PPP2R5E: variants seen among roughly 807,000 people sequenced by gnomAD.
PPP2R5E encodes protein phosphatase 2 regulatory subunit B'epsilon, also known as serine/threonine-protein phosphatase 2A 56 kDa regulatory subunit epsilon isoform.
In PPP2R5E, 4 loss-of-function variants were observed where a neutral mutation model predicts 65.3. The ratio of observed to expected loss-of-function variants is 0.06; its 90% CI spans 0.03 to 0.14. The LOEUF (loss-of-function observed/expected upper bound fraction) is 0.14, where lower values mean the gene tolerates loss of function less well. Among genes scored for constraint, PPP2R5E ranks in the 10% least tolerant of loss-of-function variants. PPP2R5E has a pLI of 1.00. For synonymous variants in PPP2R5E, 183 were observed against 187.4 expected (o/e 0.98, Z 0.19); for missense variants, 274 against 556.1 (o/e 0.49, Z 5.10).
chr14:63,372,597 A>C lies in PPP2R5E; in HGVS notation c.*3412T>G, dbSNP rs540772172. On this transcript the variant is annotated 3_prime_UTR_variant, in exon 14 of 14. Transcript: ENST00000337537. ...AGGAAAAAAAACCACCCCAAACCCC[A>C]AAAAACTCTAAACACTTAAAAATGC... 3.9e-5 allele frequency: 6 copies of C among 152,226 alleles called. No individual in the cohort carries two copies. Among genetic ancestry groups the C allele is most frequent in the African/African-American group, 1.2e-4 (5 of 41,548 alleles). 9.4% of individuals were successfully genotyped at this position (152,226 alleles called of 1,614,324 possible).
In PPP2R5E at chr14:63,396,735, A is replaced by G. The variant is rs757997445; in HGVS notation, c.550-19T>C. The stretch of plus-strand genomic sequence containing the variant: ...CCAGAAGCTGTTGTAAATGAAAGAC[A>G]TTATAGCTGTCAAAGGCGGTTTCAG... On this transcript the variant is annotated intron_variant, in intron 5 of 13. Transcript: ENST00000337537. 1.9e-6 allele frequency: 3 copies of G among 1,609,148 alleles called. No individual in the cohort carries two copies. In the South Asian group the frequency reaches 3.3e-5, roughly 18 times the overall value.
intron 2 of PPP2R5E, among the ~76,000 whole-genome samples, chr14:63,454,716 T>C (rs138395131): frequency 4.1e-4 from 63 of 152,314 alleles, no homozygotes; most frequent in Middle Eastern, 3.4e-3. Flanking sequence ...ACTTCAAATA[T>C]ACCGACTAAG....
chr14:63,437,495 C>T (rs571512473), intron 3 of PPP2R5E, among the ~76,000 whole-genome samples: 10 of 152,268 alleles, frequency 6.6e-5, no homozygotes, highest in African/African-American at 2.4e-4. Flanking sequence ...ACATTTTGCA[C>T]TTTGTTATTA....
chr14:63,381,557 G>C (rs34202451), intron 13 of PPP2R5E, among the ~76,000 whole-genome samples: 26,219 of 152,006 alleles, frequency 0.17, 3,392 homozygotes, highest in East Asian at 0.49. Context: ...ATGAGTGTCA[G>C]GAAGCTTTGT....
At chr14:63,517,176 G>T (rs569328168) in intron 2 of PPP2R5E, among the ~76,000 whole-genome samples, 1 of 152,148 alleles carries the variant, frequency 6.6e-6, no homozygotes, top group East Asian at 1.9e-4. Flanking sequence ...ATTATGTTAT[G>T]ACAGTACATA....
intron 2 of PPP2R5E, among the ~76,000 whole-genome samples, chr14:63,527,586 A>C (rs1441143954): frequency 6.6e-6 from 1 of 152,178 alleles, no homozygotes; most frequent in Non-Finnish European, 1.5e-5. Flanking sequence ...ATCTGACTCT[A>C]TGATATGGCT....
chr14:63,513,290 G>T (rs4902233), intron 2 of PPP2R5E, among the ~76,000 whole-genome samples: 16,348 of 152,056 alleles, frequency 0.11, 933 homozygotes, highest in East Asian at 0.16. Context: ...ACACTGCATC[G>T]CCCTCAAGTA....
chr14:63,530,630 C>CTTTTTTTTT (rs954359159), intron 2 of PPP2R5E, among the ~76,000 whole-genome samples: 5 of 81,292 alleles, frequency 6.2e-5, no homozygotes, highest in Non-Finnish European at 9.0e-5. Context: ...CTCTCAATTT[C>CTTTTTTTTT]TTTTTTTTTT....
At chr14:63,499,597 C>A (rs1037603279) in intron 2 of PPP2R5E, among the ~76,000 whole-genome samples, 2 of 152,046 alleles carry the variant, frequency 1.3e-5, no homozygotes, top group Admixed American at 6.6e-5. Flanking sequence ...GGTGGCACTG[C>A]GTGCCTGTAA....
intron 2 of PPP2R5E, among the ~76,000 whole-genome samples, chr14:63,473,637 A>T (rs1890245037): frequency 6.6e-6 from 1 of 152,234 alleles, no homozygotes; most frequent in African/African-American, 2.4e-5. Flanking sequence ...AAGTCTGAGA[A>T]ATGTCTGATG....
Position 63,384,429 on chromosome 14 carries a change from A to C in PPP2R5E, c.1202+15T>G, listed in dbSNP as rs759192481. On this transcript the variant is annotated intron_variant, in intron 12 of 13. Transcript: ENST00000337537. ...AAGGGAGGAAGAGAACGGAGGAAAG[A>C]AACTGAAAACCTACGGATTCCAATG... is the stretch of plus-strand genomic sequence containing the variant. The C allele has an allele frequency of 6.2e-7, 1 of 1,609,554 alleles. No individual in the cohort carries two copies. Among genetic ancestry groups the C allele is most frequent in the Non-Finnish European group, 8.5e-7 (1 of 1,177,224 alleles).
rs77977890 is a variant in PPP2R5E at position 63,392,112 on chromosome 14, T to A, written c.850-87A>T. On this transcript the variant is annotated intron_variant, in intron 8 of 13. Coordinates refer to ENST00000337537, the MANE Select transcript of PPP2R5E (RefSeq NM_006246.5). ...TACACTATTAAAACTTCCTAAAAGG[T>A]TTCCAGACTGCTTTTAATAACTTCA... 3.6e-4 allele frequency: 338 copies of A among 939,330 alleles called. 3 individuals are homozygous for A. The East Asian group carries it at 8.5e-3, about 24-fold the overall frequency. The allele number at this position is 939,330 out of a possible 1,614,324, so 58.2% of individuals were successfully genotyped here.
rs1893990869 is a variant in PPP2R5E, at chr14:63,543,342, T to C, written c.-571A>G. The C allele has an allele frequency of 6.5e-6, 1 of 152,800 alleles. No homozygotes were observed. Among genetic ancestry groups the C allele is most frequent in the Admixed American group, 6.5e-5 (1 of 15,268 alleles). The allele number at this position is 152,800 out of a possible 1,614,324, so 9.5% of individuals were successfully genotyped here. Reference sequence around the variant, plus strand: ...TTGTCAATATCACCGGGCGGCTGAGTCCATGGCACACGCGCAACCGAACCT... The same window carrying C: ...TTGTCAATATCACCGGGCGGCTGAGCCCATGGCACACGCGCAACCGAACCT... On this transcript the variant is annotated 5_prime_UTR_variant, in exon 1 of 14. Coordinates refer to ENST00000337537, the MANE Select transcript of PPP2R5E (RefSeq NM_006246.5).
intron 2 of PPP2R5E, among the ~76,000 whole-genome samples, chr14:63,488,513 T>C (rs1017767404): frequency 2.0e-4 from 31 of 152,144 alleles, no homozygotes; most frequent in Admixed American, 1.9e-3. Context: ...GTGTGAATGA[T>C]TTTAAGAGAA....
intron 2 of PPP2R5E, among the ~76,000 whole-genome samples, chr14:63,467,234 AC>A (rs67680891): frequency 0.012 from 1,624 of 131,076 alleles, 196 homozygotes; most frequent in African/African-American, 0.047. Context: ...AAAAAAACAA[AC>A]AAACAAACAA....
intron 2 of PPP2R5E, among the ~76,000 whole-genome samples, chr14:63,460,695 TC>T (rs1328801271): frequency 1.3e-5 from 2 of 152,202 alleles, no homozygotes; most frequent in Admixed American, 6.5e-5. Context: ...TATTATTGTG[TC>T]ATGAAGCTCT....
rs1883887127 is a variant in PPP2R5E, at chr14:63,374,664, TATATAAA to T, written c.*1338_*1344del. 1 of 134,106 alleles carries T rather than the reference TATATAAA, an allele frequency of 7.5e-6. No homozygotes were observed. Among genetic ancestry groups the T allele is most frequent in the African/African-American group, 3.1e-5 (1 of 32,198 alleles). The allele number at this position is 134,106 out of a possible 1,614,324, so 8.3% of individuals were successfully genotyped here. A position where few individuals can be genotyped will look rare whatever the true frequency, so the allele number is the denominator to read the frequency against. ...ATATATATATATATATATATATATATATATAAAATACAGCCCTAGATTTTGTTTTTTT... is the reference window on the plus strand; with the variant it reads ...ATATATATATATATATATATATATATATACAGCCCTAGATTTTGTTTTTTT... On this transcript the variant is annotated 3_prime_UTR_variant, in exon 14 of 14. Transcript: ENST00000337537.
chr14:63,418,652 A>AT (rs58183733), intron 4 of PPP2R5E, among the ~76,000 whole-genome samples: 18,318 of 152,080 alleles, frequency 0.12, 1,311 homozygotes, highest in African/African-American at 0.2. Context: ...AGTCCTATAA[A>AT]ATTGTATTCT....
At chr14:63,416,767 T>G (rs1566686281) in intron 4 of PPP2R5E, among the ~76,000 whole-genome samples, 1 of 152,132 alleles carries the variant, frequency 6.6e-6, no homozygotes, top group Non-Finnish European at 1.5e-5. Flanking sequence ...AGCCATTGTT[T>G]TATAGTTTTA....
Sources: gnomAD v4.1 joint callset for allele counts (sites outside exome capture counted in the v4.1 genomes callset) on GRCh38, gnomAD v4.1.1 for gene constraint, MANE v1.5 for transcripts, NCBI Gene and HGNC (gene_info 2026-07-23, HGNC 2026-07-21) for gene names.